Variants in RNF212 observed in about 807,000 individuals in gnomAD.
RNF212 encodes probable E3 SUMO-protein ligase RNF212.
A neutral mutation model predicts 34.7 loss-of-function variants in RNF212; 33 were observed. The observed-to-expected ratio is 0.95, with a 90% confidence interval of 0.72 to 1.27. RNF212 has a LOEUF of 1.27. Among genes scored for constraint, RNF212 ranks in the 50% most tolerant of loss-of-function variants. RNF212 has a pLI of 0.00. For missense variants in RNF212, 377 were observed against 362.2 expected (o/e 1.04, Z -0.33); for synonymous variants, 140 against 136.1 (o/e 1.03, Z -0.20).
rs975629383 is a variant in RNF212, at chr4:1,085,909, C to T, written c.349G>A (p.Glu117Lys). The T allele has an allele frequency of 6.2e-7, 1 of 1,612,248 alleles. No homozygotes were observed. Residue 117 changes from glutamate (E) to lysine (K), a missense_variant, in exon 5 of 10, where the codon GAA becomes AAA. Glu to Lys is a moderately conservative substitution (Grantham distance 56). Coordinates refer to ENST00000433731, the MANE Select transcript of RNF212 (RefSeq NM_001131034.4). Reference protein sequence around the residue: ...ESLRKSVLQIEQLQSMRSSQQ... With the variant: ...ESLRKSVLQIKQLQSMRSSQQ... ...GGGGCGCCTTACCTTTGTAGTTGTT[C>T]TATCTGCAGCACTGACTTCCTAAGG...
At chr4:1,078,056 C>G (rs917378606) in intron 8 of RNF212, among the ~76,000 whole-genome samples, 7 of 152,148 alleles carry the variant, frequency 4.6e-5, no homozygotes, top group African/African-American at 1.4e-4. Context: ...GACTCCGGGT[C>G]CCTCCATCAT....
At position 1,072,756 on chromosome 4, in the gene RNF212, C is replaced by T; in HGVS notation, c.*118G>A. 1 of 1,449,386 alleles carries T rather than the reference C, an allele frequency of 6.9e-7. No individual in the cohort carries two copies. The highest frequency in any genetic ancestry group is 2.8e-5 in the Admixed American group (1 of 36,086). The allele number at this position is 1,449,386 out of a possible 1,614,324, so 89.8% of individuals were successfully genotyped here. A position where few individuals can be genotyped will look rare whatever the true frequency, so the allele number is the denominator to read the frequency against. On this transcript the variant is annotated 3_prime_UTR_variant, in exon 10 of 10. Transcript: ENST00000433731. ...AGCAAATTGGGTAAAAGGTTAATAT[C>T]CTGCACACTGAGGGCTTCCACATAA... is the stretch of plus-strand genomic sequence containing the variant.
At chr4:1,110,416 A>G (rs4246684) in intron 1 of RNF212, among the ~76,000 whole-genome samples, 123,667 of 151,948 alleles carry the variant, frequency 0.81, 51,994 homozygotes, top group East Asian at 1. Context: ...CATTTGGGTC[A>G]GTTTTCATGT....
At position 1,096,812 on chromosome 4, in the gene RNF212, T is replaced by G; in HGVS notation, c.199A>C (p.Met67Leu). The G allele has an allele frequency of 6.2e-7, 1 of 1,613,522 alleles. No homozygotes were observed. The highest frequency in any genetic ancestry group is 1.3e-5 in the African/African-American group (1 of 75,074). ...HTDADIQAFF[M>L]SIDSLCKKYS... ...TTCTTACACAGACTGTCTATGCTCATGAAGAATGCCTGGATATCTGCGTCG... is the reference window on the plus strand; with the variant it reads ...TTCTTACACAGACTGTCTATGCTCAGGAAGAATGCCTGGATATCTGCGTCG... Residue 67 changes from methionine (M) to leucine (L), a missense_variant, in exon 3 of 10, where the codon ATG becomes CTG. Met to Leu is a conservative substitution (Grantham distance 15). Transcript: ENST00000433731.
rs991789673 is a variant in RNF212 at position 1,071,566 on chromosome 4, A to G, written c.*1308T>C. On this transcript the variant is annotated 3_prime_UTR_variant, in exon 10 of 10. Coordinates refer to ENST00000433731, the MANE Select transcript of RNF212 (RefSeq NM_001131034.4). ...AAGAAATGTCATCCAAAATATACAC[A>G]GGACTCTTAAAACTCAACAATAAGA... 1 of 152,260 alleles carries G rather than the reference A, an allele frequency of 6.6e-6. No homozygotes were observed. Among genetic ancestry groups the G allele is most frequent in the Non-Finnish European group, 1.5e-5 (1 of 68,040 alleles). The allele number at this position is 152,260 out of a possible 1,614,324, so 9.4% of individuals were successfully genotyped here. A position where few individuals can be genotyped will look rare whatever the true frequency, so the allele number is the denominator to read the frequency against.
chr4:1,063,548 A>G (rs1386471348), intron 3 of RNF212, among the ~76,000 whole-genome samples: 1 of 152,012 alleles, frequency 6.6e-6, no homozygotes, highest in Non-Finnish European at 1.5e-5. Context: ...CCATCTCTAC[A>G]AAACTAGCCA....
chr4:1,069,903 G>A (rs1194327686), downstream of RNF212, among the ~76,000 whole-genome samples: 1 of 152,252 alleles, frequency 6.6e-6, no homozygotes, highest in Non-Finnish European at 1.5e-5. Flanking sequence ...TTGACCAGAG[G>A]AGAAGAAAAA....
At chr4:1,099,633 GTTTTC>G (rs749017517) in intron 2 of RNF212, 166 of 428,586 alleles carry the variant, frequency 3.9e-4, no homozygotes, top group Non-Finnish European at 5.1e-4. Flanking sequence ...ACAAACGAAT[GTTTTC>G]TTTTCGTATT....
At chr4:1,062,000 C>G (rs1187005352) in intron 3 of RNF212, among the ~76,000 whole-genome samples, 3 of 152,158 alleles carry the variant, frequency 2.0e-5, no homozygotes, top group Non-Finnish European at 4.4e-5. Flanking sequence ...TCCAGAGCGG[C>G]TACCGTAAAT....
Position 1,085,965 on chromosome 4 carries a change from T to C in RNF212, c.304-11A>G, listed in dbSNP as rs1450721693. The stretch of plus-strand genomic sequence containing the variant: ...TTCCAACCTAGAAATCTAAACATAA[T>C]TACACAACCTCTTGTTATCAGACAG... On this transcript the variant is annotated splice_polypyrimidine_tract_variant and intron_variant, in intron 4 of 9. Transcript: ENST00000433731. The C allele has an allele frequency of 1.3e-6, 2 of 1,584,696 alleles. No homozygotes were observed. The highest frequency in any genetic ancestry group is 4.5e-5 in the East Asian group (2 of 44,752).
chr4:1,100,021 T>A (rs1353602792), intron 2 of RNF212: 3 of 391,280 alleles, frequency 7.7e-6, no homozygotes, highest in African/African-American at 6.2e-5. Context: ...CAGCCCTAAT[T>A]TACTGTCTTG....
Position 1,072,492 on chromosome 4 carries a change from C to CGT in RNF212, c.*380_*381dup, listed in dbSNP as rs1373148424. 5.0e-6 allele frequency: 1 copy of CGT among 199,618 alleles called. No homozygotes were observed. The highest frequency in any genetic ancestry group is 1.5e-4 in the East Asian group (1 of 6,556). The allele number at this position is 199,618 out of a possible 1,614,324, so 12.4% of individuals were successfully genotyped here. Reference sequence around the variant, plus strand: ...GGATGAGGATGATGGGGGAGCTGTGCGTGTGTGGAGTCATGGTGTATATGG... The same window carrying CGT: ...GGATGAGGATGATGGGGGAGCTGTGCGTGTGTGTGGAGTCATGGTGTATATGG... On this transcript the variant is annotated 3_prime_UTR_variant, in exon 10 of 10. Coordinates refer to ENST00000433731, the MANE Select transcript of RNF212 (RefSeq NM_001131034.4).
chr4:1,062,695 G>A (rs1471820519), intron 3 of RNF212, among the ~76,000 whole-genome samples: 2 of 152,150 alleles, frequency 1.3e-5, no homozygotes, highest in Non-Finnish European at 2.9e-5. Context: ...GCAGTGGGAC[G>A]GGAAGTGAAA....
intron 5 of RNF212, 155 bp downstream of exon 5, chr4:1,085,741 G>GC: frequency 1.5e-6 from 1 of 648,344 alleles, no homozygotes; most frequent in South Asian, 1.8e-5. Flanking sequence ...TTTTCCCACA[G>GC]CATTTTTGCT....
chr4:1,108,148 T>C (rs1033814953), intron 2 of RNF212, among the ~76,000 whole-genome samples, 195 bp downstream of exon 2: 1 of 152,202 alleles, frequency 6.6e-6, no homozygotes, highest in African/African-American at 2.4e-5. Flanking sequence ...ATAAGGTCAA[T>C]CTATAGCTAA....
intron 7 of RNF212, among the ~76,000 whole-genome samples, chr4:1,080,982 C>T (rs1308467646): frequency 1.3e-5 from 2 of 152,206 alleles, no homozygotes; most frequent in African/African-American, 2.4e-5. Flanking sequence ...CCAGTATGAA[C>T]GTTTCCTGTG....
At position 1,073,217 on chromosome 4, in the gene RNF212, C is replaced by A. The variant is rs555010438; in HGVS notation, c.575-24G>T. ...CCCTGCGGGAAGATGCAGGAGACAG[C>A]GTGTGGGGAGATGGCCTGTGTGGGC... On this transcript the variant is annotated intron_variant, in intron 9 of 9. Transcript: ENST00000433731. 10 of 1,608,138 alleles carry A rather than the reference C, an allele frequency of 6.2e-6. No homozygotes were observed. The East Asian group carries it at 6.7e-5, about 11-fold the overall frequency.
intron 4 of RNF212, 25 bp downstream of exon 4, chr4:1,090,757 G>T (rs773661727): frequency 1.5e-6 from 2 of 1,370,820 alleles, no homozygotes; most frequent in Non-Finnish European, 2.1e-6. Flanking sequence ...AAAAATTCAA[G>T]TGGCAATGAA....
At chr4:1,082,893 C>T (rs1720578762) in intron 5 of RNF212, among the ~76,000 whole-genome samples, 1 of 152,324 alleles carries the variant, frequency 6.6e-6, no homozygotes, top group Admixed American at 6.5e-5. Flanking sequence ...GCACTTGCTC[C>T]TGATTCCAGA....
Sources: allele counts gnomAD v4.1 joint callset (sites outside exome capture counted in the v4.1 genomes callset), GRCh38; gene constraint gnomAD v4.1.1; transcripts MANE v1.5; gene names NCBI Gene and HGNC (gene_info 2026-07-23, HGNC 2026-07-21).